Variants in SLC2A11 observed in about 807,000 individuals in gnomAD.
SLC2A11 encodes solute carrier family 2 member 11.
A neutral mutation model predicts 52.1 loss-of-function variants in SLC2A11; 43 were observed. That is an observed-to-expected ratio of 0.82 (90% CI 0.65 to 1.06). The LOEUF (loss-of-function observed/expected upper bound fraction) is 1.06. SLC2A11 is among the 50% of genes least tolerant of loss of function. SLC2A11 has a pLI of 0.00. For synonymous variants in SLC2A11, 261 were observed against 277.6 expected, an observed-to-expected ratio of 0.94 and a Z score of 0.59; for missense variants, 582 against 654.2, an observed-to-expected ratio of 0.89 and a Z score of 1.20.
At chr22:23,879,299 C>T (rs1365799111) in intron 6 of SLC2A11, among the ~76,000 whole-genome samples, 4 of 152,256 alleles carry the variant, frequency 2.6e-5, no homozygotes, top group African/African-American at 9.6e-5. Flanking sequence ...CTCACTCTGT[C>T]GCCCAGGCTG....
chr22:23,857,072 G>GT (rs1778676208), upstream of SLC2A11: 2 of 1,004,734 alleles, frequency 2.0e-6, no homozygotes, highest in South Asian at 1.7e-5. Context: ...GTGTGTGTGT[G>GT]TGGGGGGGGG....
chr22:23,884,818 G>T lies in SLC2A11; in HGVS notation c.1469G>T (p.Ser490Ile). 1 of 1,614,184 alleles carries T rather than the reference G, an allele frequency of 6.2e-7. No individual in the cohort carries two copies. The highest frequency in any genetic ancestry group is 8.5e-7 in the Non-Finnish European group (1 of 1,180,014). ...PRRAQGPTWR[S>I]LEVIQSTEL ...CGGGCCCAGGGCCCCACGTGGAGGA[G>T]CCTGGAGGTTATCCAGTCAACAGAA... The change falls in exon 12 of 12, where the codon AGC becomes ATC. Residue 490 changes from serine to isoleucine, a missense_variant. Physicochemically the swap from Ser to Ile is moderately radical, Grantham distance 142. Coordinates refer to ENST00000316185, the MANE Select transcript of SLC2A11 (RefSeq NM_001024939.4). This position sits in a 1 kb window ranked among gnomAD's most constrained non-coding sequence, Gnocchi z 4.3.
Position 23,877,104 on chromosome 22 carries a change from G to T in SLC2A11, c.478G>T (p.Ala160Ser). ...GAGCGCCCCTAAGGAGCTCCGAGGA[G>T]CTGTGGCCATGAGCTCAGCCATCTT... ...GESAPKELRG[A>S]VAMSSAIFTA... Residue 160 changes from alanine (A) to serine (S), a missense_variant, in exon 5 of 12, where the codon GCT becomes TCT. Ala to Ser is a moderately conservative substitution (Grantham distance 99). Transcript: ENST00000316185. 6.2e-7 allele frequency: 1 copy of T among 1,613,942 alleles called. No individual in the cohort carries two copies. Among genetic ancestry groups the T allele is most frequent in the Non-Finnish European group, 8.5e-7 (1 of 1,179,974 alleles).
intron 4 of SLC2A11, 102 bp from the exon 5 acceptor site, chr22:23,876,940 A>G: frequency 3.8e-6 from 6 of 1,575,096 alleles, no homozygotes; most frequent in Non-Finnish European, 5.2e-6. Context: ...GATCCAGTTG[A>G]GTGGCTGGAC....
chr22:23,876,182 A>G (rs1179897149), intron 4 of SLC2A11, among the ~76,000 whole-genome samples: 1 of 152,188 alleles, frequency 6.6e-6, no homozygotes, highest in African/African-American at 2.4e-5. Context: ...TTATGTCCTA[A>G]TTCCAGAGGT....
At chr22:23,859,248 A>C (rs2031968378) in intron 1 of SLC2A11, among the ~76,000 whole-genome samples, 1 of 152,212 alleles carries the variant, frequency 6.6e-6, no homozygotes, top group Non-Finnish European at 1.5e-5. Flanking sequence ...CTTCTTCCTA[A>C]GGCTTCCAGC....
intron 6 of SLC2A11, chr22:23,880,487 C>T (rs2032764513): frequency 6.6e-6 from 1 of 152,136 alleles, no homozygotes; most frequent in Non-Finnish European, 1.5e-5. Context: ...GGCCTAATTG[C>T]TGGTATTTAG....
chr22:23,865,786 A>G (rs2032240929), intron 2 of SLC2A11: 3 of 152,262 alleles, frequency 2.0e-5, no homozygotes, highest in South Asian at 2.1e-4. Context: ...TGAGGATTCT[A>G]GCTAAACCAA....
At position 23,863,208 on chromosome 22, in the gene SLC2A11, TAGA is replaced by T. The variant is rs145860142; in HGVS notation, c.129+1009_129+1011del. Reference sequence around the variant, plus strand: ...GGAGGGGCCCTCTCTCTTCCACCTGTAGAAGCCCACCCCAGATACCACCACCTT... The same window carrying T: ...GGAGGGGCCCTCTCTCTTCCACCTGTAGCCCACCCCAGATACCACCACCTT... On this transcript the variant is annotated intron_variant, in intron 2 of 11. Coordinates refer to ENST00000316185, the MANE Select transcript of SLC2A11 (RefSeq NM_001024939.4). 6.6e-3 allele frequency among the ~76,000 whole-genome samples: 1,005 copies of T among 152,306 alleles called. 11 individuals are homozygous for T. Among genetic ancestry groups the T allele is most frequent in the African/African-American group, 0.023 (967 of 41,588 alleles).
intron 6 of SLC2A11, among the ~76,000 whole-genome samples, chr22:23,878,786 C>T (rs1330961924): frequency 6.6e-6 from 1 of 152,212 alleles, no homozygotes; most frequent in Admixed American, 6.5e-5. Flanking sequence ...CCCCCAAAGT[C>T]TCATCCAATC....
At chr22:23,868,883 A>G (rs982447052) in intron 3 of SLC2A11, 2 of 493,440 alleles carry the variant, frequency 4.1e-6, no homozygotes, top group Admixed American at 3.3e-5. Flanking sequence ...ATGTCTGCCA[A>G]CAAGTGCTAA....
upstream of SLC2A11, chr22:23,857,780 T>C: frequency 1.4e-6 from 2 of 1,431,604 alleles, no homozygotes; most frequent in Non-Finnish European, 1.8e-6. Context: ...AACCCTCAGC[T>C]GGTGCGGCCG....
intron 2 of SLC2A11, among the ~76,000 whole-genome samples, chr22:23,863,607 G>GTTTTTTTTTTTTTTT: frequency 8.8e-6 from 1 of 113,202 alleles, no homozygotes; most frequent in East Asian, 2.5e-4. Flanking sequence ...CTCTCTCTCT[G>GTTTTTTTTTTTTTTT]GTTTTTTTTT....
intron 5 of SLC2A11, chr22:23,877,467 G>GA (rs1319740831): frequency 1.3e-6 from 1 of 765,696 alleles, no homozygotes; most frequent in Non-Finnish European, 2.3e-6. Context: ...AGTCATTCCA[G>GA]AAAAAAGAGG....
At position 23,862,096 on chromosome 22, in the gene SLC2A11, C is replaced by G; in HGVS notation, c.31-8C>G. On this transcript the variant is annotated splice_region_variant and splice_polypyrimidine_tract_variant and intron_variant, in intron 1 of 11. Coordinates refer to ENST00000316185, the MANE Select transcript of SLC2A11 (RefSeq NM_001024939.4). ...TTGGTCACTCTGTGTTCTCTCCTCT[C>G]TCCTCAGATTCAGGGCAGGATCCTG... 1 of 1,613,598 alleles carries G rather than the reference C, an allele frequency of 6.2e-7. No homozygotes were observed. Among genetic ancestry groups the G allele is most frequent in the Non-Finnish European group, 8.5e-7 (1 of 1,179,524 alleles).
chr22:23,857,556 AC>A, upstream of SLC2A11: 1 of 1,563,802 alleles, frequency 6.4e-7, no homozygotes, highest in Non-Finnish European at 8.7e-7. Flanking sequence ...GCGGCGACAA[AC>A]CCCGCGGCGG....
At chr22:23,882,427 C>T (rs577678827) in intron 6 of SLC2A11, 32 bp from the exon 7 acceptor site, 358 of 1,483,628 alleles carry the variant, frequency 2.4e-4, no homozygotes, top group Non-Finnish European at 3.1e-4. Context: ...GGCTTGGGGA[C>T]GGGGAGCTCA....
intron 4 of SLC2A11, among the ~76,000 whole-genome samples, chr22:23,876,754 G>T (rs1461552573): frequency 6.6e-6 from 1 of 152,158 alleles, no homozygotes; most frequent in African/African-American, 2.4e-5. Context: ...CCAGTGATGG[G>T]ACCTAGGAAG....
rs372494181 is a variant in SLC2A11 at position 23,869,518 on chromosome 22, T to C, written c.290+877T>C. The C allele has an allele frequency of 3.2e-4, 50 of 154,472 alleles. No homozygotes were observed. The South Asian group carries it at 4.0e-3, about 12-fold the overall frequency. 9.6% of individuals were successfully genotyped at this position (154,472 alleles called of 1,614,324 possible). On this transcript the variant is annotated intron_variant, in intron 3 of 11. Transcript: ENST00000316185. ...AAAAAAAATTAACCAGTTATGGTGG[T>C]GCATGCCTGTAGACTCAGCTACTCG...
Sources: gnomAD v4.1 joint callset for allele counts (sites outside exome capture counted in the v4.1 genomes callset) on GRCh38, gnomAD v4.1.1 for gene constraint, Gnocchi (gnomAD v3.1) non-coding constraint, MANE v1.5 for transcripts, NCBI Gene and HGNC (gene_info 2026-07-23, HGNC 2026-07-21) for gene names.